GLIS3: variants seen among roughly 807,000 people sequenced by gnomAD.
GLIS3 encodes the protein zinc finger protein GLIS3.
A neutral mutation model predicts 78.6 loss-of-function variants in GLIS3; 53 were observed. The ratio of observed to expected loss-of-function variants is 0.67; its 90% CI spans 0.54 to 0.85. GLIS3 has a LOEUF of 0.85. Among genes scored for constraint, GLIS3 ranks in the 40% least tolerant of loss-of-function variants. The pLI is 0.00. For synonymous variants in GLIS3, 684 were observed against 509.9 expected (o/e 1.34, Z -4.60); for missense variants, 1,703 against 1,231.1 (o/e 1.38, Z -5.74).
rs1821065466 is a variant in GLIS3, at chr9:3,873,014, A to G, written c.2297+6413T>C. On this transcript the variant is annotated intron_variant, in intron 8 of 10. Coordinates refer to ENST00000381971, the MANE Select transcript of GLIS3 (RefSeq NM_001042413.2). The stretch of plus-strand genomic sequence containing the variant: ...TGGAACATATAAATGAAATTGATAG[A>G]CAATCTACCAAGACTGAATAAGGAA... Among the ~76,000 whole-genome samples, 3 of 152,304 alleles carry G rather than the reference A, an allele frequency of 2.0e-5. No homozygotes were observed. The South Asian group carries it at 6.2e-4, about 32-fold the overall frequency.
At chr9:3,995,860 G>A (rs1820701539) in intron 4 of GLIS3, among the ~76,000 whole-genome samples, 1 of 152,104 alleles carries the variant, frequency 6.6e-6, no homozygotes, top group Non-Finnish European at 1.5e-5. Flanking sequence ...GTTCCAGGAG[G>A]TGATAATACA....
chr9:4,378,146 G>T, the GLIS3 span, among the ~76,000 whole-genome samples: 21 of 152,104 alleles, frequency 1.4e-4, no homozygotes, highest in Non-Finnish European at 2.9e-4. Flanking sequence ...ACTTATGAGG[G>T]TGTGTAGAAG....
At chr9:4,194,908 G>C (rs953217548) in intron 2 of GLIS3, among the ~76,000 whole-genome samples, 1 of 152,236 alleles carries the variant, frequency 6.6e-6, no homozygotes, top group Non-Finnish European at 1.5e-5. Flanking sequence ...AGAGCAGGAG[G>C]CCATTTTTAA....
intron 2 of GLIS3, among the ~76,000 whole-genome samples, chr9:4,185,450 T>C (rs535327615): frequency 6.6e-6 from 1 of 152,326 alleles, no homozygotes; most frequent in South Asian, 2.1e-4. Context: ...CGTACTAATA[T>C]ATACTTTTTT....
intron 7 of GLIS3, among the ~76,000 whole-genome samples, chr9:3,883,972 C>T (rs1397705631): frequency 6.6e-6 from 1 of 152,206 alleles, no homozygotes; most frequent in Non-Finnish European, 1.5e-5. Flanking sequence ...TGGCCTGGCT[C>T]ACTGCAGTCT....
intron 2 of GLIS3, among the ~76,000 whole-genome samples, chr9:4,175,062 C>T (rs1255736162): frequency 6.6e-6 from 1 of 152,174 alleles, no homozygotes; most frequent in Non-Finnish European, 1.5e-5. Flanking sequence ...GCACTCCTTC[C>T]TTCTTTTAAA....
intron 2 of GLIS3, among the ~76,000 whole-genome samples, chr9:4,157,721 C>T (rs1415681734): frequency 6.6e-6 from 1 of 152,116 alleles, no homozygotes; most frequent in East Asian, 1.9e-4. Flanking sequence ...GGAGGATTTA[C>T]GAGTGCTTCC....
intron 4 of GLIS3, among the ~76,000 whole-genome samples, chr9:4,085,709 C>T (rs1398721029): frequency 6.6e-6 from 1 of 152,120 alleles, no homozygotes; most frequent in African/African-American, 2.4e-5. Flanking sequence ...GCTATCCCCT[C>T]GGTGCTGTCC....
At chr9:4,466,692 C>T in the GLIS3 span, among the ~76,000 whole-genome samples, 13 of 152,264 alleles carry the variant, frequency 8.5e-5, no homozygotes, top group South Asian at 2.7e-3. Flanking sequence ...ATAGGAACAG[C>T]TCCAGAATAC....
the GLIS3 span, among the ~76,000 whole-genome samples, chr9:4,481,932 G>T: frequency 6.6e-6 from 1 of 152,172 alleles, no homozygotes; most frequent in Non-Finnish European, 1.5e-5. Context: ...AATGTTAAAA[G>T]TATAAATTTT....
chr9:4,334,741 C>T (rs1345362153), intron 2 of GLIS3, among the ~76,000 whole-genome samples: 2 of 152,264 alleles, frequency 1.3e-5, no homozygotes, highest in African/African-American at 4.8e-5. Context: ...CATTCTCACA[C>T]ACAAAGGTGC....
At chr9:4,429,965 C>A in the GLIS3 span, among the ~76,000 whole-genome samples, 2 of 152,084 alleles carry the variant, frequency 1.3e-5, no homozygotes. Context: ...TTCAGGGTCA[C>A]ATAATGGTAG....
the GLIS3 span, among the ~76,000 whole-genome samples, chr9:4,368,173 T>C: frequency 6.6e-6 from 1 of 152,202 alleles, no homozygotes; most frequent in African/African-American, 2.4e-5. Context: ...GTTTTTATCC[T>C]TACGTTTTAA....
chr9:3,964,329 A>G (rs1170641453), intron 4 of GLIS3, among the ~76,000 whole-genome samples: 1 of 152,228 alleles, frequency 6.6e-6, no homozygotes. Flanking sequence ...TTATGTTTCA[A>G]TGAAAAAAAT....
At chr9:3,859,601 C>T (rs1195291956) in intron 8 of GLIS3, among the ~76,000 whole-genome samples, 2 of 152,158 alleles carry the variant, frequency 1.3e-5, no homozygotes, top group African/African-American at 4.8e-5. Flanking sequence ...GATGACATCA[C>T]TCCCATTCAT....
At chr9:4,130,131 G>A (rs1233630015) in intron 2 of GLIS3, among the ~76,000 whole-genome samples, 1 of 152,206 alleles carries the variant, frequency 6.6e-6, no homozygotes, top group Non-Finnish European at 1.5e-5. Context: ...TCAAGATGTG[G>A]CCTGGCTGTT....
At position 3,828,104 on chromosome 9, in the gene GLIS3, C is replaced by G; in HGVS notation, c.*168G>C. 1.4e-6 allele frequency: 1 copy of G among 733,142 alleles called. No homozygotes were observed. 45.4% of individuals were successfully genotyped at this position (733,142 alleles called of 1,614,324 possible). On this transcript the variant is annotated 3_prime_UTR_variant, in exon 11 of 11. Transcript: ENST00000381971. ...AAAGGAGCAACTGTAATGATTCCTG[C>G]AAAGCTAGCTCTGCCATTCAGTCCT...
At chr9:4,207,400 G>A (rs933714760) in intron 2 of GLIS3, among the ~76,000 whole-genome samples, 1 of 152,152 alleles carries the variant, frequency 6.6e-6, no homozygotes, top group Non-Finnish European at 1.5e-5. Flanking sequence ...TCCTCCACTG[G>A]ATGGAAAAGA....
chr9:3,933,698 C>G (rs1825743454), intron 5 of GLIS3, among the ~76,000 whole-genome samples: 1 of 152,036 alleles, frequency 6.6e-6, no homozygotes, highest in Non-Finnish European at 1.5e-5. Flanking sequence ...ATAGTAAAAA[C>G]AAACAAACAA....
Sources: gnomAD v4.1 joint callset for allele counts (sites outside exome capture counted in the v4.1 genomes callset) on GRCh38, gnomAD v4.1.1 for gene constraint, MANE v1.5 for transcripts, NCBI Gene and HGNC (gene_info 2026-07-23, HGNC 2026-07-21) for gene names.